The following ABCB11 variants were observed in gnomAD, a reference collection of about 807,000 sequenced individuals.
The protein encoded by ABCB11 is ATP binding cassette subfamily B member 11.
In ABCB11, 95 loss-of-function variants were observed where a neutral mutation model predicts 148.0. The observed-to-expected ratio is 0.64, with a 90% confidence interval of 0.54 to 0.76. The LOEUF is 0.76. Ranked by LOEUF, ABCB11 falls within the 30% of genes least tolerant of loss-of-function variation. The pLI is 0.00. For missense variants in ABCB11, 1,523 were observed against 1,617.8 expected, an observed-to-expected ratio of 0.94 and a Z score of 1.01; for synonymous variants, 591 against 555.4, an observed-to-expected ratio of 1.06 and a Z score of -0.90.
At chr2:169,029,916 A>AT (rs1264397463) in intron 1 of ABCB11, among the ~76,000 whole-genome samples, 1 of 143,968 alleles carries the variant, frequency 6.9e-6, no homozygotes. Flanking sequence ...AATTTTTTGT[A>AT]TTTTTAGTAG....
intron 10 of ABCB11, among the ~76,000 whole-genome samples, chr2:168,980,858 C>A (rs1053434254): frequency 2.6e-5 from 4 of 152,130 alleles, no homozygotes; most frequent in Non-Finnish European, 5.9e-5. Context: ...TTATTATCAG[C>A]ACTGTTTATA....
At chr2:168,926,249 T>A (rs1408523621) in intron 26 of ABCB11, among the ~76,000 whole-genome samples, 1 of 152,048 alleles carries the variant, frequency 6.6e-6, no homozygotes, top group East Asian at 1.9e-4. Flanking sequence ...TTGCGCGAAA[T>A]CTGGACTTGG....
At position 168,936,304 on chromosome 2, in the gene ABCB11, A is replaced by G; in HGVS notation, c.2740T>C (p.Ser914Pro). ...AACATCCTGGTCTGTGTGGCTCCTGATAAAGCCAAGAAGGGGAAGAAGCAC... is the reference window on the plus strand; with the variant it reads ...AACATCCTGGTCTGTGTGGCTCCTGGTAAAGCCAAGAAGGGGAAGAAGCAC... ...ILCFFPFLALSGATQTRMLTG... is the reference protein window; with the variant it reads ...ILCFFPFLALPGATQTRMLTG... The change falls in exon 22 of 28, where the codon TCA becomes CCA. Residue 914 changes from serine to proline, a missense_variant. Ser to Pro is a moderately conservative substitution (Grantham distance 74). Transcript: ENST00000650372. 2 of 1,613,976 alleles carry G rather than the reference A, an allele frequency of 1.2e-6. No individual in the cohort carries two copies. Among genetic ancestry groups the G allele is most frequent in the Non-Finnish European group, 1.7e-6 (2 of 1,179,894 alleles).
chr2:169,001,058 G>A (rs796082595), intron 5 of ABCB11, among the ~76,000 whole-genome samples: 8 of 152,074 alleles, frequency 5.3e-5, no homozygotes, highest in African/African-American at 1.9e-4. Flanking sequence ...TACTAGTGCT[G>A]TCATTTTACC....
chr2:169,024,375 C>G (rs1168273012), intron 1 of ABCB11, among the ~76,000 whole-genome samples: 1 of 152,120 alleles, frequency 6.6e-6, no homozygotes, highest in Non-Finnish European at 1.5e-5. Context: ...TAAAACACTT[C>G]ATGACAGAAA....
At chr2:168,957,385 T>C (rs1448216133) in intron 19 of ABCB11, among the ~76,000 whole-genome samples, 2 of 151,728 alleles carry the variant, frequency 1.3e-5, no homozygotes, top group African/African-American at 2.4e-5. Flanking sequence ...GTTATTATGA[T>C]GATTACAGCA....
Position 168,936,233 on chromosome 2 carries a change from T to C in ABCB11, c.2811A>G (p.Gly937=). ...AAAATTAGATCTGCAAGATTACCTG[T>C]CCCACCATCTCCAGGGCCTGCTTAT... The part of the protein sequence containing the change: ...SRDKQALEMV[G]QITNEALSNI... The change falls in exon 22 of 28, where the codon GGA becomes GGG. Residue 937 remains glycine, a synonymous_variant. Transcript: ENST00000650372. 6.2e-7 allele frequency: 1 copy of C among 1,613,214 alleles called. No individual in the cohort carries two copies.
At chr2:168,992,681 A>C (rs912605056) in intron 8 of ABCB11, among the ~76,000 whole-genome samples, 2 of 152,102 alleles carry the variant, frequency 1.3e-5, no homozygotes, top group African/African-American at 4.8e-5. Context: ...TGAGGTTTTC[A>C]GGGGTTAAAT....
intron 1 of ABCB11, among the ~76,000 whole-genome samples, chr2:169,026,788 G>C (rs1695710160): frequency 6.6e-6 from 1 of 152,154 alleles, no homozygotes; most frequent in Non-Finnish European, 1.5e-5. Flanking sequence ...AATGCAGTGG[G>C]AATCTAGTTT....
intron 21 of ABCB11, among the ~76,000 whole-genome samples, chr2:168,942,703 CA>C (rs1692123616): frequency 6.6e-6 from 1 of 151,748 alleles, no homozygotes; most frequent in African/African-American, 2.4e-5. Context: ...ATGCTTGTAT[CA>C]AAACCTCTCA....
In ABCB11 at chr2:168,944,059, A is replaced by C. The variant is rs775727400; in HGVS notation, c.2610+546T>G. ...GTGTAAGCCCCTTGAACAAGGCTGT[A>C]GGTTTTGGGGTTTACACACCACAGC... On this transcript the variant is annotated intron_variant, in intron 21 of 27. Coordinates refer to ENST00000650372, the MANE Select transcript of ABCB11 (RefSeq NM_003742.4). Among the ~76,000 whole-genome samples, 110 of 151,984 alleles carry C rather than the reference A, an allele frequency of 7.2e-4. 1 individual carries two copies. Among genetic ancestry groups the C allele is most frequent in the Non-Finnish European group, 1.1e-3 (74 of 67,950 alleles).
intron 3 of ABCB11, among the ~76,000 whole-genome samples, chr2:169,015,493 C>A (rs192796442): frequency 1.3e-4 from 20 of 152,228 alleles, no homozygotes; most frequent in African/African-American, 4.8e-4. Context: ...CTCTTGCTGA[C>A]CTTTGTCCAT....
intron 1 of ABCB11, among the ~76,000 whole-genome samples, chr2:169,027,907 GA>G (rs968471741): frequency 3.5e-4 from 52 of 149,816 alleles, no homozygotes; most frequent in African/African-American, 1.1e-3. Flanking sequence ...AAGAATTGAA[GA>G]AAAAAAAAGG....
intron 27 of ABCB11, 70 bp downstream of exon 27, chr2:168,924,587 T>G: frequency 6.6e-7 from 1 of 1,512,486 alleles, no homozygotes; most frequent in Non-Finnish European, 9.0e-7. Context: ...AGTGCCATTT[T>G]ATTAAGGACA....
rs116569036 is a variant in ABCB11, at chr2:169,017,898, G to A, written c.76+152C>T. On this transcript the variant is annotated intron_variant, in intron 2 of 27. Coordinates refer to ENST00000650372, the MANE Select transcript of ABCB11 (RefSeq NM_003742.4). ...TATTACGTTACATGGATTCTAGGGA[G>A]AGCCACACAGTTGTGTATAAGAATC... is the stretch of plus-strand genomic sequence containing the variant. 656 of 782,768 alleles carry A rather than the reference G, an allele frequency of 8.4e-4. 3 individuals carry two copies. The African/African-American group carries it at 0.01, about 12-fold the overall frequency. 48.5% of individuals were successfully genotyped at this position (782,768 alleles called of 1,614,324 possible).
At chr2:169,018,909 A>G (rs1160358122) in intron 1 of ABCB11, among the ~76,000 whole-genome samples, 1 of 152,184 alleles carries the variant, frequency 6.6e-6, no homozygotes, top group African/African-American at 2.4e-5. Context: ...ATGGCAGAGA[A>G]GTACCGAAGA....
At chr2:168,954,998 A>G (rs1250808174) in intron 19 of ABCB11, among the ~76,000 whole-genome samples, 1 of 151,520 alleles carries the variant, frequency 6.6e-6, no homozygotes, top group Admixed American at 6.6e-5. Context: ...CATGTGTTCA[A>G]GTTCTGAAAT....
Position 168,950,981 on chromosome 2 carries a change from T to C in ABCB11, c.2344-6020A>G, listed in dbSNP as rs374752340. Among the ~76,000 whole-genome samples, 10 of 151,668 alleles carry C rather than the reference T, an allele frequency of 6.6e-5. 1 individual carries two copies. Among genetic ancestry groups the C allele is most frequent in the Admixed American group, 2.0e-4 (3 of 15,188 alleles). ...GGTGAGAGGTATGGGTCTAATTTCT[T>C]TCTTCTGCATACTGCTATCCAATTT... On this transcript the variant is annotated intron_variant, in intron 19 of 27. Transcript: ENST00000650372.
At chr2:168,994,260 G>C (rs905718941) in intron 7 of ABCB11, among the ~76,000 whole-genome samples, 1 of 151,842 alleles carries the variant, frequency 6.6e-6, no homozygotes, top group Non-Finnish European at 1.5e-5. Flanking sequence ...ATACCTTCTC[G>C]TGCATCAATC....
Sources: allele counts gnomAD v4.1 joint callset (sites outside exome capture counted in the v4.1 genomes callset), GRCh38; gene constraint gnomAD v4.1.1; transcripts MANE v1.5; gene names NCBI Gene and HGNC (gene_info 2026-07-23, HGNC 2026-07-21).